The following SMARCC1 variants were observed in gnomAD, a reference collection of about 807,000 sequenced individuals.
SMARCC1 encodes SWI/SNF complex subunit SMARCC1.
SMARCC1 carries 43 observed loss-of-function variants against 147.4 expected under a neutral mutation model. The observed-to-expected ratio is 0.29, with a 90% CI of 0.23 to 0.38. The LOEUF (loss-of-function observed/expected upper bound fraction) is 0.38, where lower values mean the gene tolerates loss of function less well. Ranked by LOEUF, SMARCC1 falls within the 10% of genes least tolerant of loss-of-function variation. The probability of loss-of-function intolerance (pLI) is 1.00; values close to 1 mark genes in which losing one functional copy is unlikely to be tolerated. For synonymous variants in SMARCC1, 495 were observed against 484.4 expected (o/e 1.02, Z -0.29); for missense variants, 1,119 against 1,381.1 (o/e 0.81, Z 3.01).
At chr3:47,720,790 A>G (rs1466933952) in intron 6 of SMARCC1, 55 bp from the exon 7 acceptor site, 3 of 1,288,870 alleles carry the variant, frequency 2.3e-6, no homozygotes, top group Non-Finnish European at 3.3e-6. Context: ...TAAAGAAACT[A>G]TGATTTTTAG....
intron 26 of SMARCC1, among the ~76,000 whole-genome samples, chr3:47,591,104 C>T (rs1053031204): frequency 1.3e-5 from 2 of 152,092 alleles, no homozygotes; most frequent in Admixed American, 1.3e-4. Flanking sequence ...TGGCAAAGGT[C>T]CCCTAAAATA....
intron 11 of SMARCC1, among the ~76,000 whole-genome samples, chr3:47,695,429 T>A (rs558817965): frequency 5.6e-4 from 86 of 152,318 alleles, no homozygotes; most frequent in Middle Eastern, 3.4e-3. Flanking sequence ...AATGCCTGTT[T>A]TCTACTTCAC....
chr3:47,777,093 T>A (rs1018595579), intron 1 of SMARCC1, among the ~76,000 whole-genome samples: 1 of 149,974 alleles, frequency 6.7e-6, no homozygotes, highest in Non-Finnish European at 1.5e-5. Flanking sequence ...TATTTATTTT[T>A]TTTTTTTTGA....
rs537475009 is a variant in SMARCC1 at position 47,750,796 on chromosome 3, C to G, written c.316-4803G>C. ...ACGCTACTCAGAAATATATACTGAG[C>G]TGGCCATAACAATAAAACATCTATA... is the stretch of plus-strand genomic sequence containing the variant. On this transcript the variant is annotated intron_variant, in intron 2 of 27. Transcript: ENST00000254480. Among the ~76,000 whole-genome samples the G allele has an allele frequency of 2.8e-4, 43 of 152,248 alleles. 2 individuals are homozygous for G. The South Asian group carries it at 8.5e-3, about 30-fold the overall frequency.
At chr3:47,667,636 T>C (rs930500884) in intron 19 of SMARCC1, among the ~76,000 whole-genome samples, 13 of 152,172 alleles carry the variant, frequency 8.5e-5, no homozygotes, top group Non-Finnish European at 1.5e-4. Flanking sequence ...CCCAGCACTC[T>C]GGGAGGTTGA....
intron 6 of SMARCC1, among the ~76,000 whole-genome samples, 190 bp downstream of exon 6, chr3:47,728,835 C>T (rs1486669578): frequency 5.9e-5 from 9 of 152,106 alleles, no homozygotes; most frequent in Non-Finnish European, 8.8e-5. Flanking sequence ...CTCTTGAACC[C>T]GGGAGGTGGA....
chr3:47,738,944 A>G lies in SMARCC1; in HGVS notation c.402-834T>C, dbSNP rs146991761. Among the ~76,000 whole-genome samples the G allele has an allele frequency of 1.7e-3, 262 of 152,352 alleles. 2 individuals carry two copies. Among genetic ancestry groups the G allele is most frequent in the African/African-American group, 5.9e-3 (247 of 41,592 alleles). On this transcript the variant is annotated intron_variant, in intron 3 of 27. Coordinates refer to ENST00000254480, the MANE Select transcript of SMARCC1 (RefSeq NM_003074.4). ...GTACTGTTTTCCTAAATGTGGTAAC[A>G]CTGATCTATTTACCTTTACTTGAAA... is the stretch of plus-strand genomic sequence containing the variant.
intron 6 of SMARCC1, among the ~76,000 whole-genome samples, chr3:47,726,989 C>T (rs1227891725): frequency 6.6e-6 from 1 of 151,958 alleles, no homozygotes; most frequent in Non-Finnish European, 1.5e-5. Flanking sequence ...GCGTTTGGAT[C>T]ACTTGAGGTC....
intron 21 of SMARCC1, among the ~76,000 whole-genome samples, chr3:47,653,570 T>G (rs1358460051): frequency 6.6e-6 from 1 of 152,234 alleles, no homozygotes; most frequent in Non-Finnish European, 1.5e-5. Context: ...ACATGAAACG[T>G]AAGAGACATA....
intron 21 of SMARCC1, among the ~76,000 whole-genome samples, chr3:47,644,384 T>C (rs1487387187): frequency 2.0e-5 from 3 of 152,120 alleles, no homozygotes; most frequent in Non-Finnish European, 2.9e-5. Flanking sequence ...TAGTCCCAGG[T>C]ACCTGGGAGG....
intron 3 of SMARCC1, among the ~76,000 whole-genome samples, chr3:47,744,518 ATATT>A (rs368453073): frequency 6.6e-4 from 100 of 152,298 alleles, no homozygotes; most frequent in African/African-American, 2.3e-3. Context: ...GTTGATCTAA[ATATT>A]TATTTGCACT....
At chr3:47,691,470 C>T (rs185066522) in intron 12 of SMARCC1, among the ~76,000 whole-genome samples, 3 of 151,730 alleles carry the variant, frequency 2.0e-5, no homozygotes, top group Admixed American at 2.0e-4. Flanking sequence ...AAAAATTAGC[C>T]GGGAGTGGTG....
At chr3:47,676,497 C>T (rs1180869776) in intron 17 of SMARCC1, 132 bp downstream of exon 17, 4 of 677,920 alleles carry the variant, frequency 5.9e-6, no homozygotes, top group Non-Finnish European at 9.7e-6. Context: ...CCAAAATACA[C>T]ACACAAGCAA....
At chr3:47,597,253 T>A (rs1290513429) in intron 26 of SMARCC1, among the ~76,000 whole-genome samples, 1 of 152,110 alleles carries the variant, frequency 6.6e-6, no homozygotes, top group African/African-American at 2.4e-5. Context: ...AACTCCTGGG[T>A]TGAAGTGATG....
chr3:47,663,604 G>A, intron 19 of SMARCC1: 2 of 1,483,876 alleles, frequency 1.3e-6, no homozygotes, highest in Non-Finnish European at 1.9e-6. Flanking sequence ...TCCTGCTGCT[G>A]TGGCCCAGAC....
intron 26 of SMARCC1, among the ~76,000 whole-genome samples, chr3:47,606,458 T>C (rs2032477048): frequency 1.3e-5 from 2 of 152,166 alleles, no homozygotes; most frequent in African/African-American, 4.8e-5. Flanking sequence ...TGAAACAATG[T>C]GGGTGAGGGG....
intron 13 of SMARCC1, among the ~76,000 whole-genome samples, chr3:47,688,185 G>A (rs1333495266): frequency 1.3e-5 from 2 of 152,042 alleles, no homozygotes; most frequent in Admixed American, 6.6e-5. Flanking sequence ...GCTAGAACCC[G>A]GGAGGCGGAG....
At chr3:47,722,653 A>T (rs892523895) in intron 6 of SMARCC1, among the ~76,000 whole-genome samples, 9 of 152,182 alleles carry the variant, frequency 5.9e-5, no homozygotes, top group African/African-American at 1.9e-4. Flanking sequence ...ATATTTTCCA[A>T]TAGCAGAAAC....
chr3:47,723,681 C>T (rs530168492), intron 6 of SMARCC1, among the ~76,000 whole-genome samples: 88 of 151,974 alleles, frequency 5.8e-4, no homozygotes, highest in African/African-American at 2.1e-3. Flanking sequence ...GGCATGGTGG[C>T]GGGGGCCTGT....
Sources: gnomAD v4.1 joint callset for allele counts (sites outside exome capture counted in the v4.1 genomes callset) on GRCh38, gnomAD v4.1.1 for gene constraint, MANE v1.5 for transcripts, NCBI Gene and HGNC (gene_info 2026-07-23, HGNC 2026-07-21) for gene names.